Variants in RELN observed in about 807,000 individuals in gnomAD.
RELN encodes reelin.
In RELN, 108 loss-of-function variants were observed where a neutral mutation model predicts 427.6. The observed-to-expected ratio is 0.25, with a 90% CI of 0.22 to 0.30. The LOEUF (loss-of-function observed/expected upper bound fraction) is 0.30. Ranked by LOEUF, RELN falls within the 10% of genes least tolerant of loss-of-function variation. RELN has a pLI of 1.00. For synonymous variants in RELN, 1,524 were observed against 1,513.4 expected, an observed-to-expected ratio of 1.01 and a Z score of -0.16; for missense variants, 3,715 against 4,302.8, an observed-to-expected ratio of 0.86 and a Z score of 3.82.
At chr7:103,709,692 C>T (rs1789745466) in intron 8 of RELN, among the ~76,000 whole-genome samples, 1 of 152,068 alleles carries the variant, frequency 6.6e-6, no homozygotes, top group Non-Finnish European at 1.5e-5. Flanking sequence ...CCATTTATAC[C>T]AACAGTAAAA....
At chr7:103,482,166 T>C (rs1298746800) in intron 63 of RELN, 1 of 152,226 alleles carries the variant, frequency 6.6e-6, no homozygotes, top group Admixed American at 6.5e-5. Flanking sequence ...GTAAACAGAA[T>C]GAACATTTGA....
intron 51 of RELN, among the ~76,000 whole-genome samples, chr7:103,510,202 C>T (rs181305522): frequency 7.9e-4 from 121 of 152,256 alleles, no homozygotes; most frequent in Non-Finnish European, 1.4e-3. Context: ...ATGTTTACTG[C>T]GGCACTGTTC....
intron 19 of RELN, 39 bp from the exon 20 acceptor site, chr7:103,630,215 G>C: frequency 2.2e-6 from 3 of 1,383,134 alleles, no homozygotes; most frequent in Non-Finnish European, 2.1e-6. Flanking sequence ...GATTATTTTG[G>C]TATCTTAAAA....
At chr7:103,748,402 C>T (rs1790902596) in intron 6 of RELN, among the ~76,000 whole-genome samples, 1 of 152,036 alleles carries the variant, frequency 6.6e-6, no homozygotes, top group African/African-American at 2.4e-5. Context: ...TCATCTTCAA[C>T]TCTTAGGTCA....
chr7:103,760,444 T>C (rs1584471353), intron 4 of RELN, among the ~76,000 whole-genome samples: 1 of 152,196 alleles, frequency 6.6e-6, no homozygotes, highest in East Asian at 1.9e-4. Flanking sequence ...TTATTTTGGA[T>C]GGAAATTTTA....
At chr7:103,509,308 T>C (rs546181891) in intron 51 of RELN, among the ~76,000 whole-genome samples, 1 of 152,320 alleles carries the variant, frequency 6.6e-6, no homozygotes, top group East Asian at 1.9e-4. Flanking sequence ...AACAGTTATA[T>C]AGACCAATCA....
At chr7:103,555,874 G>A (rs1011240152) in intron 38 of RELN, among the ~76,000 whole-genome samples, 9 of 152,120 alleles carry the variant, frequency 5.9e-5, no homozygotes, top group Non-Finnish European at 1.0e-4. Flanking sequence ...TTAACATATT[G>A]TTAAGGAAAT....
chr7:103,630,196 CA>C lies in RELN; in HGVS notation c.2466-21del. 6.8e-7 allele frequency: 1 copy of C among 1,462,330 alleles called. No individual in the cohort carries two copies. Among genetic ancestry groups the C allele is most frequent in the South Asian group, 1.1e-5 (1 of 87,778 alleles). 90.6% of individuals were successfully genotyped at this position (1,462,330 alleles called of 1,614,324 possible). A position where few individuals can be genotyped will look rare whatever the true frequency, so the allele number is the denominator to read the frequency against. ...ATTATTCTAGAGAAAAAAAAAAAGT[CA>C]AAATTTAGATTATTTTGGTATCTTA... On this transcript the variant is annotated intron_variant, in intron 19 of 64. Transcript: ENST00000428762.
intron 6 of RELN, among the ~76,000 whole-genome samples, chr7:103,739,981 C>T (rs569301722): frequency 4.5e-4 from 69 of 152,234 alleles, no homozygotes; most frequent in Non-Finnish European, 4.6e-4. Context: ...GGGACAAAGC[C>T]GGGCTGTGTG....
intron 2 of RELN, among the ~76,000 whole-genome samples, chr7:103,855,041 A>G (rs1315681325): frequency 6.6e-6 from 1 of 152,264 alleles, no homozygotes; most frequent in African/African-American, 2.4e-5. Flanking sequence ...AAATGAATGT[A>G]TCAAATGAAT....
intron 2 of RELN, among the ~76,000 whole-genome samples, chr7:103,862,466 T>TCTATCTAC (rs1563057183): frequency 2.7e-5 from 4 of 147,616 alleles, no homozygotes; most frequent in African/African-American, 9.9e-5. Flanking sequence ...TATCTATCTA[T>TCTATCTAC]CTTCTCAATC....
chr7:103,960,138 A>C (rs559366125), intron 1 of RELN, among the ~76,000 whole-genome samples: 40 of 152,260 alleles, frequency 2.6e-4, no homozygotes, highest in African/African-American at 9.1e-4. Flanking sequence ...CTTGGCTCAA[A>C]ACCCTTCAAA....
At chr7:103,926,363 C>T (rs562224475) in intron 1 of RELN, among the ~76,000 whole-genome samples, 64 of 152,014 alleles carry the variant, frequency 4.2e-4, no homozygotes, top group African/African-American at 1.4e-3. Flanking sequence ...CAAAGTGCTA[C>T]GATTACAGGC....
At chr7:103,945,759 A>T (rs1248540606) in intron 1 of RELN, among the ~76,000 whole-genome samples, 1 of 152,224 alleles carries the variant, frequency 6.6e-6, no homozygotes, top group Non-Finnish European at 1.5e-5. Flanking sequence ...TGGTCCCCTA[A>T]GATGATAATA....
intron 1 of RELN, among the ~76,000 whole-genome samples, chr7:103,935,555 T>G (rs1795963114): frequency 6.6e-6 from 1 of 152,124 alleles, no homozygotes; most frequent in African/African-American, 2.4e-5. Context: ...CTATTCCTAC[T>G]TCCAGGCAGT....
rs546182532 is a variant in RELN, at chr7:103,516,173, A to G, written c.7863-732T>C. ...AAGGTCTAAAATGCCCTTTAATCAC[A>G]ATTATACATGAAAACCCAGGAACAT... On this transcript the variant is annotated intron_variant, in intron 49 of 64. Coordinates refer to ENST00000428762, the MANE Select transcript of RELN (RefSeq NM_005045.4). Among the ~76,000 whole-genome samples, 44 of 152,234 alleles carry G rather than the reference A, an allele frequency of 2.9e-4. No individual in the cohort carries two copies. In the South Asian group the frequency reaches 9.1e-3, roughly 32 times the overall value.
intron 2 of RELN, among the ~76,000 whole-genome samples, chr7:103,844,538 T>A (rs746064042): frequency 6.6e-6 from 1 of 152,200 alleles, no homozygotes; most frequent in Non-Finnish European, 1.5e-5. Context: ...TTATTATTAT[T>A]CCTATTTTAT....
chr7:103,564,494 T>C lies in RELN; in HGVS notation c.5210+784A>G, dbSNP rs149911963. Among the ~76,000 whole-genome samples the C allele has an allele frequency of 7.1e-3, 1,080 of 152,272 alleles. 8 individuals are homozygous for C. Among genetic ancestry groups the C allele is most frequent in the Non-Finnish European group, 0.011 (741 of 68,030 alleles). On this transcript the variant is annotated intron_variant, in intron 34 of 64. Coordinates refer to ENST00000428762, the MANE Select transcript of RELN (RefSeq NM_005045.4). Reference sequence around the variant, plus strand: ...CTGGTGCCCAGGGACCAGGGTCACCTGGAGGGCCACCCAGGGGAGCTAGAG... The same window carrying C: ...CTGGTGCCCAGGGACCAGGGTCACCCGGAGGGCCACCCAGGGGAGCTAGAG...
chr7:103,989,052 G>T lies in RELN; in HGVS notation c.226+79C>A. 3.1e-6 allele frequency: 4 copies of T among 1,307,572 alleles called. No homozygotes were observed. The highest frequency in any genetic ancestry group is 3.3e-6 in the Non-Finnish European group (3 of 903,910). The allele number at this position is 1,307,572 out of a possible 1,614,324, so 81.0% of individuals were successfully genotyped here. A position where few individuals can be genotyped will look rare whatever the true frequency, so the allele number is the denominator to read the frequency against. ...ATGGTTCTTGTTTCCAAGGCCCCTT[G>T]GAAGAAGGAAAGGGATGAGAAAGGT... On this transcript the variant is annotated intron_variant, in intron 1 of 64. Coordinates refer to ENST00000428762, the MANE Select transcript of RELN (RefSeq NM_005045.4). This position sits in a 1 kb window ranked among gnomAD's most constrained non-coding sequence, Gnocchi z 4.9.
Sources: allele counts gnomAD v4.1 joint callset (sites outside exome capture counted in the v4.1 genomes callset), GRCh38; gene constraint gnomAD v4.1.1; non-coding constraint Gnocchi (gnomAD v3.1); transcripts MANE v1.5; gene names NCBI Gene and HGNC (gene_info 2026-07-23, HGNC 2026-07-21).